SPATA6: variants seen among roughly 807,000 people sequenced by gnomAD.
SPATA6 encodes spermatogenesis-associated protein 6.
A neutral mutation model predicts 65.3 loss-of-function variants in SPATA6; 56 were observed. The ratio of observed to expected loss-of-function variants is 0.86; its 90% confidence interval spans 0.69 to 1.07. The LOEUF (loss-of-function observed/expected upper bound fraction) is 1.07. SPATA6 is among the 50% of genes least tolerant of loss of function. The pLI is 0.00. For synonymous variants in SPATA6, 199 were observed against 213.2 expected, an observed-to-expected ratio of 0.93 and a Z score of 0.58; for missense variants, 590 against 594.8, an observed-to-expected ratio of 0.99 and a Z score of 0.08.
chr1:48,319,165 T>C (rs1271480648), intron 11 of SPATA6, among the ~76,000 whole-genome samples: 1 of 152,188 alleles, frequency 6.6e-6, no homozygotes, highest in Non-Finnish European at 1.5e-5. Context: ...GTAAAACTCT[T>C]AGAAAACATA....
the SPATA6 span, among the ~76,000 whole-genome samples, chr1:48,270,062 C>T: frequency 6.6e-6 from 1 of 151,976 alleles, no homozygotes; most frequent in African/African-American, 2.4e-5. Context: ...AAAAGCTAAA[C>T]TTCTTTAAAT....
intron 6 of SPATA6, 63 bp downstream of exon 6, chr1:48,403,739 A>C: frequency 1.5e-6 from 2 of 1,373,150 alleles, no homozygotes; most frequent in Non-Finnish European, 2.0e-6. Context: ...AACGCTTGCC[A>C]AAAGGCCACA....
chr1:48,307,677 C>T (rs1030362725), intron 11 of SPATA6, among the ~76,000 whole-genome samples: 7 of 151,738 alleles, frequency 4.6e-5, no homozygotes, highest in Admixed American at 2.0e-4. Flanking sequence ...GTCCTATCCA[C>T]TGGTGAATAT....
Position 48,319,619 on chromosome 1 carries a change from A to G in SPATA6, c.1195-13741T>C, listed in dbSNP as rs574773222. Among the ~76,000 whole-genome samples, 3 of 152,338 alleles carry G rather than the reference A, an allele frequency of 2.0e-5. No individual in the cohort carries two copies. In the East Asian group the frequency reaches 5.8e-4, roughly 29 times the overall value. Reference sequence around the variant, plus strand: ...CGCAGAGCTAGGAAAGGTTCCCTAAAGCAGGAAAGGGATGACTAAATAAGA... The same window carrying G: ...CGCAGAGCTAGGAAAGGTTCCCTAAGGCAGGAAAGGGATGACTAAATAAGA... On this transcript the variant is annotated intron_variant, in intron 11 of 12. Coordinates refer to ENST00000371847, the MANE Select transcript of SPATA6 (RefSeq NM_019073.4).
At chr1:48,314,982 A>T (rs1645361367) in intron 11 of SPATA6, among the ~76,000 whole-genome samples, 3 of 152,338 alleles carry the variant, frequency 2.0e-5, no homozygotes, top group African/African-American at 7.2e-5. Flanking sequence ...CCCTCCCAAG[A>T]CTAAACCAGG....
chr1:48,469,314 T>A (rs1172151332), intron 1 of SPATA6, among the ~76,000 whole-genome samples: 1 of 152,168 alleles, frequency 6.6e-6, no homozygotes, highest in African/African-American at 2.4e-5. Flanking sequence ...ACTATTCTTC[T>A]AAGTACTCTG....
chr1:48,267,235 A>T, the SPATA6 span, among the ~76,000 whole-genome samples: 1 of 151,896 alleles, frequency 6.6e-6, no homozygotes, highest in Non-Finnish European at 1.5e-5. Flanking sequence ...GCGGGCACCG[A>T]CCCCACGGCT....
At chr1:48,304,329 C>A (rs946795077) in intron 12 of SPATA6, among the ~76,000 whole-genome samples, 3 of 152,104 alleles carry the variant, frequency 2.0e-5, no homozygotes, top group African/African-American at 7.2e-5. Flanking sequence ...GCTTAACTCT[C>A]ATTTGAGAGG....
chr1:48,454,522 T>C (rs1436349467), intron 1 of SPATA6, among the ~76,000 whole-genome samples: 2 of 152,216 alleles, frequency 1.3e-5, no homozygotes. Flanking sequence ...GAACTTACTA[T>C]ATGCAAGTAA....
chr1:48,415,220 G>A (rs1364063640), intron 3 of SPATA6, among the ~76,000 whole-genome samples: 1 of 152,210 alleles, frequency 6.6e-6, no homozygotes, highest in East Asian at 1.9e-4. Context: ...AATAACAAGG[G>A]TGATGACAGT....
At chr1:48,348,966 T>C (rs976691729) in intron 11 of SPATA6, among the ~76,000 whole-genome samples, 87 of 152,096 alleles carry the variant, frequency 5.7e-4, no homozygotes, top group African/African-American at 2.0e-3. Context: ...GTAAAATATT[T>C]TCAGTATTGC....
At chr1:48,471,256 T>A (rs1336810063) in intron 1 of SPATA6, among the ~76,000 whole-genome samples, 1 of 152,068 alleles carries the variant, frequency 6.6e-6, no homozygotes, top group East Asian at 1.9e-4. Flanking sequence ...GGGGTGGGGT[T>A]GCAAGGTTGG....
chr1:48,319,036 A>G (rs762269572), intron 11 of SPATA6, among the ~76,000 whole-genome samples: 33 of 152,192 alleles, frequency 2.2e-4, no homozygotes, highest in Admixed American at 3.9e-4. Context: ...TTTTTAAGAA[A>G]TGGTGCTGTG....
At chr1:48,456,479 A>G (rs1269468671) in intron 1 of SPATA6, among the ~76,000 whole-genome samples, 1 of 151,746 alleles carries the variant, frequency 6.6e-6, no homozygotes, top group East Asian at 2.0e-4. Context: ...AAGAAATAGA[A>G]AGCACAGCCT....
At chr1:48,465,389 T>G (rs1657737294) in intron 1 of SPATA6, among the ~76,000 whole-genome samples, 1 of 152,132 alleles carries the variant, frequency 6.6e-6, no homozygotes. Flanking sequence ...ACTACGTTTG[T>G]GATAATTTGT....
At chr1:48,408,172 CTTAG>C (rs1206083685) in intron 5 of SPATA6, among the ~76,000 whole-genome samples, 1 of 152,038 alleles carries the variant, frequency 6.6e-6, no homozygotes, top group East Asian at 1.9e-4. Context: ...GGAGAAATTA[CTTAG>C]TTAACTATAT....
chr1:48,266,911 T>C, the SPATA6 span, among the ~76,000 whole-genome samples: 2 of 152,214 alleles, frequency 1.3e-5, no homozygotes, highest in Admixed American at 6.5e-5. Context: ...TATTTTTTTC[T>C]ATCCGTTAGG....
intron 9 of SPATA6, among the ~76,000 whole-genome samples, chr1:48,361,132 G>A (rs1164862950): frequency 6.6e-6 from 1 of 152,070 alleles, no homozygotes; most frequent in Admixed American, 6.6e-5. Flanking sequence ...GGTATTTAGA[G>A]GTATTGCACT....
chr1:48,328,111 C>T (rs1645815686), intron 11 of SPATA6, among the ~76,000 whole-genome samples: 1 of 151,852 alleles, frequency 6.6e-6, no homozygotes, highest in South Asian at 2.1e-4. Flanking sequence ...GATCATTAGT[C>T]AGAAGGGAAA....
Sources: allele counts gnomAD v4.1 joint callset (sites outside exome capture counted in the v4.1 genomes callset), GRCh38; gene constraint gnomAD v4.1.1; transcripts MANE v1.5; gene names NCBI Gene and HGNC (gene_info 2026-07-23, HGNC 2026-07-21).